Variants in ZFAND6 observed in about 807,000 individuals in gnomAD.
ZFAND6 encodes AN1-type zinc finger protein 6.
ZFAND6 carries 12 observed loss-of-function variants against 24.5 expected under a neutral mutation model. The ratio of observed to expected loss-of-function variants is 0.49; its 90% CI spans 0.31 to 0.79. The LOEUF is 0.79. Ranked by LOEUF, ZFAND6 falls within the 30% of genes least tolerant of loss-of-function variation. ZFAND6 has a pLI of 0.04. For synonymous variants in ZFAND6, 92 were observed against 81.5 expected (o/e 1.13, Z -0.69); for missense variants, 207 against 245.9 (o/e 0.84, Z 1.06).
At chr15:80,100,480 A>C (rs923252495) in intron 2 of ZFAND6, among the ~76,000 whole-genome samples, 1 of 152,152 alleles carries the variant, frequency 6.6e-6, no homozygotes, top group Non-Finnish European at 1.5e-5. Context: ...ATTTCTTTTT[A>C]TCTCTCTGAG....
chr15:80,091,047 T>C (rs537228530), intron 1 of ZFAND6, among the ~76,000 whole-genome samples: 7 of 152,316 alleles, frequency 4.6e-5, no homozygotes, highest in East Asian at 1.9e-4. Flanking sequence ...TTAGAAGATA[T>C]GGTCACCATA....
intron 1 of ZFAND6, among the ~76,000 whole-genome samples, chr15:80,067,030 A>T (rs996968574): frequency 1.3e-5 from 2 of 152,214 alleles, no homozygotes; most frequent in African/African-American, 2.4e-5. Context: ...AAGAAGTTGA[A>T]GGTAGTTTCC....
At position 80,106,247 on chromosome 15, in the gene ZFAND6, A is replaced by G. The variant is rs570518420; in HGVS notation, c.-18+7669A>G. ...AACCAAAATAGTTGTGAAATCATTT[A>G]TTCATCCAGCATGTATTTGAGTACC... On this transcript the variant is annotated intron_variant, in intron 2 of 6. Transcript: ENST00000261749. Among the ~76,000 whole-genome samples the G allele has an allele frequency of 1.8e-4, 27 of 152,330 alleles. No homozygotes were observed. The East Asian group carries it at 4.8e-3, about 27-fold the overall frequency.
chr15:80,100,346 A>G (rs1288459350), intron 2 of ZFAND6, among the ~76,000 whole-genome samples: 1 of 152,200 alleles, frequency 6.6e-6, no homozygotes, highest in African/African-American at 2.4e-5. Flanking sequence ...AGGCCTTTGG[A>G]ACATACTAAT....
chr15:80,117,141 G>A (rs550810594), intron 2 of ZFAND6, among the ~76,000 whole-genome samples: 2 of 152,180 alleles, frequency 1.3e-5, no homozygotes, highest in East Asian at 3.9e-4. Flanking sequence ...TTTTTCACTT[G>A]ACTGTTGTCT....
chr15:80,111,383 C>T, intron 2 of ZFAND6: 2 of 395,718 alleles, frequency 5.1e-6, no homozygotes, highest in South Asian at 1.9e-5. Context: ...GCAGTCAACC[C>T]TGCCAATCAT....
chr15:80,097,217 C>G (rs1445143420), intron 1 of ZFAND6, among the ~76,000 whole-genome samples: 1 of 152,016 alleles, frequency 6.6e-6, no homozygotes, highest in Non-Finnish European at 1.5e-5. Context: ...CCAGGCTGGT[C>G]ATGAACTCCT....
At chr15:80,108,384 AT>A (rs2039444294) in intron 2 of ZFAND6, among the ~76,000 whole-genome samples, 1 of 152,162 alleles carries the variant, frequency 6.6e-6, no homozygotes, top group Admixed American at 6.5e-5. Flanking sequence ...CAAAGAGGGA[AT>A]AAAAAGCCAT....
At position 80,092,360 on chromosome 15, in the gene ZFAND6, C is replaced by T. The variant is rs186874207; in HGVS notation, c.-180-6056C>T. 3.7e-3 allele frequency among the ~76,000 whole-genome samples: 554 copies of T among 149,664 alleles called. 4 individuals are homozygous for T. The highest frequency in any genetic ancestry group is 0.013 in the African/African-American group (512 of 40,748). ...AAAAAAAAAAAGGATTGCTTGAGGA[C>T]GGGAGGCGGAGGTTGCAGTGAGCCA... On this transcript the variant is annotated intron_variant, in intron 1 of 6. Coordinates refer to ENST00000261749, the MANE Select transcript of ZFAND6 (RefSeq NM_019006.4).
intron 1 of ZFAND6, among the ~76,000 whole-genome samples, chr15:80,087,692 C>G (rs2038084932): frequency 6.6e-6 from 1 of 152,118 alleles, no homozygotes; most frequent in African/African-American, 2.4e-5. Context: ...TTTGACACTA[C>G]TATGAATTTT....
chr15:80,069,634 A>G (rs1300641625), intron 1 of ZFAND6, among the ~76,000 whole-genome samples: 1 of 151,628 alleles, frequency 6.6e-6, no homozygotes, highest in East Asian at 1.9e-4. Flanking sequence ...TTATTTATTT[A>G]TTTATTTATT....
At chr15:80,120,196 T>TG in intron 2 of ZFAND6, 132 bp from the exon 3 acceptor site, 1 of 678,590 alleles carries the variant, frequency 1.5e-6, no homozygotes, top group Non-Finnish European at 2.2e-6. Context: ...TTTAGCCCTA[T>TG]GTCTTGGGAC....
chr15:80,105,071 G>T (rs1361811091), intron 2 of ZFAND6, among the ~76,000 whole-genome samples: 1 of 152,106 alleles, frequency 6.6e-6, no homozygotes, highest in African/African-American at 2.4e-5. Context: ...TTTGTGATGT[G>T]GCCTTATTCT....
intron 2 of ZFAND6, chr15:80,114,905 G>GTA (rs1363350680): frequency 1.3e-5 from 2 of 152,106 alleles, no homozygotes; most frequent in Non-Finnish European, 2.9e-5. Context: ...AATTTAAAAG[G>GTA]TATACTTAAA....
Position 80,122,714 on chromosome 15 carries a change from A to G in ZFAND6, c.278A>G (p.Gln93Arg). ...TGCTTTTCTAGCCCTGTATCAAATCAGTCACTTTTATCAGAATCTGTAGCA... is the reference window on the plus strand; with the variant it reads ...TGCTTTTCTAGCCCTGTATCAAATCGGTCACTTTTATCAGAATCTGTAGCA... The part of the protein sequence containing the change: ...SSMQPSPVSN[Q>R]SLLSESVASS... The change falls in exon 5 of 7, where the codon CAG becomes CGG. Residue 93 changes from glutamine (Q) to arginine (R), a missense_variant. Physicochemically the swap from Gln to Arg is conservative, Grantham distance 43. Transcript: ENST00000261749. 1 of 1,613,430 alleles carries G rather than the reference A, an allele frequency of 6.2e-7. No individual in the cohort carries two copies. The highest frequency in any genetic ancestry group is 8.5e-7 in the Non-Finnish European group (1 of 1,179,652).
intron 1 of ZFAND6, among the ~76,000 whole-genome samples, chr15:80,094,891 C>G (rs1307869305): frequency 2.0e-5 from 3 of 152,074 alleles, no homozygotes; most frequent in Non-Finnish European, 2.9e-5. Context: ...TCTCCTGCCT[C>G]AGTCTCCCAA....
chr15:80,059,127 T>C (rs986401076), upstream of ZFAND6, among the ~76,000 whole-genome samples: 6 of 152,256 alleles, frequency 3.9e-5, no homozygotes, highest in Admixed American at 1.3e-4. Flanking sequence ...GGCAGAGAAC[T>C]GCTTTCCAGT....
intron 1 of ZFAND6, among the ~76,000 whole-genome samples, chr15:80,066,918 TGC>T (rs2036680671): frequency 6.6e-6 from 1 of 150,606 alleles, no homozygotes; most frequent in African/African-American, 2.5e-5. Flanking sequence ...AAAAAAAAAT[TGC>T]AAACAGTTTG....
At chr15:80,137,372 T>G (rs1489535858) in intron 6 of ZFAND6, 108 bp from the exon 7 acceptor site, 5 of 1,224,776 alleles carry the variant, frequency 4.1e-6, no homozygotes, top group Non-Finnish European at 5.6e-6. Flanking sequence ...GAATGATTCT[T>G]TAGTTTACAT....
Sources: allele counts gnomAD v4.1 joint callset (sites outside exome capture counted in the v4.1 genomes callset), GRCh38; gene constraint gnomAD v4.1.1; transcripts MANE v1.5; gene names NCBI Gene and HGNC (gene_info 2026-07-23, HGNC 2026-07-21).